Variants in COL22A1 observed in about 807,000 individuals in gnomAD.
COL22A1 encodes the protein collagen type XXII alpha 1 chain.
COL22A1 carries 221 observed loss-of-function variants against 248.9 expected under a neutral mutation model. The observed-to-expected ratio is 0.89, with a 90% CI of 0.80 to 0.99. The LOEUF (loss-of-function observed/expected upper bound fraction) is 0.99. COL22A1 is among the 50% of genes least tolerant of loss of function. The pLI is 0.00. For missense variants in COL22A1, 2,240 were observed against 2,179.0 expected (o/e 1.03, Z -0.56); for synonymous variants, 891 against 793.4 (o/e 1.12, Z -2.07).
At chr8:138,885,113 G>C (rs67789983) in intron 1 of COL22A1, among the ~76,000 whole-genome samples, 14,658 of 152,186 alleles carry the variant, frequency 0.096, 842 homozygotes, top group Non-Finnish European at 0.12. Flanking sequence ...CGGGAGCCCT[G>C]CCTACCCACT....
rs771546163 is a variant in COL22A1 at position 138,755,832 on chromosome 8, G to T, written c.1903-3C>A. ...GGCCCCGCAGGTCCCACGTCACCCT[G>T]CACAGAAACGACAAACATTTCAGCA... On this transcript the variant is annotated splice_polypyrimidine_tract_variant and splice_region_variant and intron_variant, in intron 18 of 64. Coordinates refer to ENST00000303045, the MANE Select transcript of COL22A1 (RefSeq NM_152888.3). 1 of 1,613,710 alleles carries T rather than the reference G, an allele frequency of 6.2e-7. No individual in the cohort carries two copies. Among genetic ancestry groups the T allele is most frequent in the Non-Finnish European group, 8.5e-7 (1 of 1,179,706 alleles).
intron 7 of COL22A1, 131 bp from the exon 8 acceptor site, chr8:138,813,150 A>G (rs6577951): frequency 0.78 from 532,114 of 679,742 alleles, 209,133 homozygotes; most frequent in Middle Eastern, 0.85. Flanking sequence ...AGTCCACCCC[A>G]GGATACCCCT....
At chr8:138,913,250 G>A (rs535049236) in intron 1 of COL22A1, among the ~76,000 whole-genome samples, 4 of 151,164 alleles carry the variant, frequency 2.6e-5, no homozygotes, top group South Asian at 2.1e-4. Flanking sequence ...TTAAAGAGCT[G>A]GTACATCTCA....
At chr8:138,661,650 C>G (rs528848547) in intron 43 of COL22A1, among the ~76,000 whole-genome samples, 1 of 152,230 alleles carries the variant, frequency 6.6e-6, no homozygotes, top group Admixed American at 6.5e-5. Flanking sequence ...TGCGGAATTC[C>G]ATGGAAAAGA....
At chr8:138,843,896 T>C (rs570356005) in intron 4 of COL22A1, among the ~76,000 whole-genome samples, 188 bp downstream of exon 4, 1 of 152,358 alleles carries the variant, frequency 6.6e-6, no homozygotes, top group African/African-American at 2.4e-5. Flanking sequence ...ATGTATGTTC[T>C]TTCCTGTTGG....
At chr8:138,682,728 C>T (rs1826055437) in intron 39 of COL22A1, among the ~76,000 whole-genome samples, 1 of 152,158 alleles carries the variant, frequency 6.6e-6, no homozygotes, top group African/African-American at 2.4e-5. Flanking sequence ...GAGATGGATT[C>T]TCACCCTGTC....
chr8:138,643,647 T>TAGATAGAG (rs568597361), intron 47 of COL22A1, among the ~76,000 whole-genome samples: 2 of 26,592 alleles, frequency 7.5e-5, no homozygotes, highest in Non-Finnish European at 3.3e-4. Context: ...GATAGATAGA[T>TAGATAGAG]AGACAGATAG....
intron 3 of COL22A1, among the ~76,000 whole-genome samples, chr8:138,847,143 G>C (rs1253145498): frequency 1.3e-5 from 2 of 152,234 alleles, no homozygotes; most frequent in African/African-American, 4.8e-5. Flanking sequence ...TCCCCAGGGA[G>C]TGGGAGTCTT....
chr8:138,809,240 T>A (rs564354573), intron 9 of COL22A1, among the ~76,000 whole-genome samples: 1 of 152,308 alleles, frequency 6.6e-6, no homozygotes, highest in African/African-American at 2.4e-5. Flanking sequence ...TGTGAGATCC[T>A]TGGGGCTCAG....
At chr8:138,691,008 A>G in intron 35 of COL22A1, 134 bp from the exon 36 acceptor site, 1 of 642,768 alleles carries the variant, frequency 1.6e-6, no homozygotes, top group Non-Finnish European at 2.6e-6. Context: ...CAGCCTCTGC[A>G]GACGTGAACC....
intron 52 of COL22A1, 140 bp from the exon 53 acceptor site, chr8:138,619,648 G>T: frequency 1.3e-6 from 1 of 750,740 alleles, no homozygotes; most frequent in Non-Finnish European, 2.3e-6. Flanking sequence ...TGGTGTCTTG[G>T]TCCTTCTTAA....
At chr8:138,819,007 G>GT (rs949603854) in intron 7 of COL22A1, among the ~76,000 whole-genome samples, 1 of 152,100 alleles carries the variant, frequency 6.6e-6, no homozygotes, top group Non-Finnish European at 1.5e-5. Flanking sequence ...CAGTTTGCAC[G>GT]TGTCTGTCCT....
intron 56 of COL22A1, among the ~76,000 whole-genome samples, chr8:138,609,165 G>T (rs1372885549): frequency 6.6e-6 from 1 of 152,230 alleles, no homozygotes; most frequent in Non-Finnish European, 1.5e-5. Context: ...CATTTTGCAT[G>T]CATTAACTCA....
chr8:138,743,190 T>A (rs934931067), intron 22 of COL22A1, among the ~76,000 whole-genome samples: 9 of 151,438 alleles, frequency 5.9e-5, no homozygotes, highest in Non-Finnish European at 1.2e-4. Context: ...GTGGAGTTGA[T>A]GGTGATGATG....
intron 22 of COL22A1, among the ~76,000 whole-genome samples, chr8:138,738,458 C>T (rs148993626): frequency 6.6e-6 from 1 of 152,270 alleles, no homozygotes; most frequent in Non-Finnish European, 1.5e-5. Context: ...GCACTACAAT[C>T]AAGAATTGAA....
chr8:138,881,645 G>C (rs188382794), intron 2 of COL22A1, among the ~76,000 whole-genome samples: 2 of 152,166 alleles, frequency 1.3e-5, no homozygotes, highest in East Asian at 1.9e-4. Context: ...AGATCACGCC[G>C]CTGCACTCCA....
intron 46 of COL22A1, 66 bp from the exon 47 acceptor site, chr8:138,646,748 T>A (rs1358028585): frequency 8.4e-7 from 1 of 1,191,490 alleles, no homozygotes; most frequent in Non-Finnish European, 1.2e-6. Context: ...TCCAGGGTCA[T>A]CACCATGCCA....
At chr8:138,615,393 T>C (rs1020064817) in intron 55 of COL22A1, among the ~76,000 whole-genome samples, 8 of 152,078 alleles carry the variant, frequency 5.3e-5, no homozygotes, top group Non-Finnish European at 1.2e-4. Flanking sequence ...TAGCTGGGCA[T>C]GGTGGCAGGT....
chr8:138,715,844 T>G, intron 29 of COL22A1, 109 bp from the exon 30 acceptor site: 2 of 789,654 alleles, frequency 2.5e-6, no homozygotes, highest in Non-Finnish European at 4.2e-6. Context: ...TGTATATATT[T>G]CTCTCTCTCA....
Sources: allele counts gnomAD v4.1 joint callset (sites outside exome capture counted in the v4.1 genomes callset), GRCh38; gene constraint gnomAD v4.1.1; transcripts MANE v1.5; gene names NCBI Gene and HGNC (gene_info 2026-07-23, HGNC 2026-07-21).